The following TPD52L1 variants were observed in gnomAD, a reference collection of about 807,000 sequenced individuals.
TPD52L1 encodes TPD52 like 1.
In TPD52L1, 18 loss-of-function variants were observed where a neutral mutation model predicts 28.7. The observed-to-expected ratio is 0.63, with a 90% confidence interval of 0.43 to 0.93. The LOEUF (loss-of-function observed/expected upper bound fraction) is 0.93. TPD52L1 is among the 40% of genes least tolerant of loss of function. TPD52L1 has a pLI of 0.00. For synonymous variants in TPD52L1, 75 were observed against 88.8 expected (o/e 0.84, Z 0.88); for missense variants, 203 against 254.8 (o/e 0.80, Z 1.39).
At chr6:125,221,411 A>G (rs967040581) in intron 2 of TPD52L1, among the ~76,000 whole-genome samples, 10 of 152,172 alleles carry the variant, frequency 6.6e-5, no homozygotes, top group Non-Finnish European at 1.3e-4. Flanking sequence ...GCAGGGTCCA[A>G]ATGTCATGTT....
chr6:125,256,905 TG>T (rs1797639885), intron 5 of TPD52L1, among the ~76,000 whole-genome samples, 192 bp from the exon 6 acceptor site: 1 of 152,270 alleles, frequency 6.6e-6, no homozygotes, highest in South Asian at 2.1e-4. Flanking sequence ...AAAAATTCCA[TG>T]TCAGGTTATG....
intron 1 of TPD52L1, among the ~76,000 whole-genome samples, chr6:125,172,535 T>TATATATATATATA (rs1791515381): frequency 1.0e-4 from 10 of 98,116 alleles, no homozygotes; most frequent in African/African-American, 4.5e-4. Flanking sequence ...TATATATATA[T>TATATATATATATA]ATATATATAT....
At chr6:125,230,856 C>T in intron 3 of TPD52L1, among the ~76,000 whole-genome samples, 1 of 152,196 alleles carries the variant, frequency 6.6e-6, no homozygotes, top group Non-Finnish European at 1.5e-5. Context: ...GTCAGTTTAT[C>T]TCCAGAAGTT....
chr6:125,256,990 A>G, intron 5 of TPD52L1, 108 bp from the exon 6 acceptor site: 4 of 897,734 alleles, frequency 4.5e-6, no homozygotes, highest in Middle Eastern at 2.3e-4. Flanking sequence ...GCTGACAGGT[A>G]GCTCTGTGGC....
At chr6:125,230,491 G>C (rs752987643) in intron 3 of TPD52L1, among the ~76,000 whole-genome samples, 10 of 152,044 alleles carry the variant, frequency 6.6e-5, no homozygotes, top group Non-Finnish European at 1.3e-4. Context: ...TACCTAAGTG[G>C]GAGTCAATTT....
At chr6:125,155,011 G>A (rs376961657) in intron 1 of TPD52L1, among the ~76,000 whole-genome samples, 76 of 152,172 alleles carry the variant, frequency 5.0e-4, no homozygotes, top group Non-Finnish European at 7.1e-4. Context: ...GTGGGTTGGC[G>A]ATTGCGTGGG....
At chr6:125,175,631 G>A (rs1791775613) in intron 1 of TPD52L1, among the ~76,000 whole-genome samples, 4 of 152,158 alleles carry the variant, frequency 2.6e-5, no homozygotes, top group South Asian at 4.1e-4. Flanking sequence ...TAAATAGGGA[G>A]AGAGGACAAT....
intron 1 of TPD52L1, among the ~76,000 whole-genome samples, chr6:125,216,770 A>T (rs531042758): frequency 2.0e-5 from 3 of 151,914 alleles, no homozygotes; most frequent in African/African-American, 7.3e-5. Flanking sequence ...AGAAGGGATG[A>T]GGATCTGATG....
At position 125,153,982 on chromosome 6, in the gene TPD52L1, C is replaced by G; in HGVS notation, c.19+12C>G. Reference sequence around the variant, plus strand: ...GGCGCAGGCACAAGGTGAGTGGTCGCCGATCGCCCCGAGAGTCAGGTCCTG... The same window carrying G: ...GGCGCAGGCACAAGGTGAGTGGTCGGCGATCGCCCCGAGAGTCAGGTCCTG... On this transcript the variant is annotated intron_variant, in intron 1 of 6. Transcript: ENST00000534000. 1 of 1,605,804 alleles carries G rather than the reference C, an allele frequency of 6.2e-7. No individual in the cohort carries two copies. Among genetic ancestry groups the G allele is most frequent in the South Asian group, 1.1e-5 (1 of 89,184 alleles).
At chr6:125,195,795 C>T (rs1468914321) in intron 1 of TPD52L1, among the ~76,000 whole-genome samples, 2 of 152,196 alleles carry the variant, frequency 1.3e-5, no homozygotes, top group African/African-American at 4.8e-5. Context: ...CTTTCTGCAA[C>T]TTCTCAGACC....
At chr6:125,226,878 G>A (rs1373244084) in intron 2 of TPD52L1, among the ~76,000 whole-genome samples, 1 of 152,048 alleles carries the variant, frequency 6.6e-6, no homozygotes, top group Non-Finnish European at 1.5e-5. Context: ...AGAGAAATAT[G>A]ACATGATAAC....
intron 1 of TPD52L1, among the ~76,000 whole-genome samples, chr6:125,212,854 G>A (rs1462206316): frequency 6.6e-6 from 1 of 152,194 alleles, no homozygotes; most frequent in Non-Finnish European, 1.5e-5. Context: ...CTGGCTAACT[G>A]TAGGTATAGT....
At chr6:125,172,651 T>C (rs1338610973) in intron 1 of TPD52L1, among the ~76,000 whole-genome samples, 1 of 127,578 alleles carries the variant, frequency 7.8e-6, no homozygotes, top group Non-Finnish European at 1.6e-5. Context: ...AACTATATAA[T>C]AAATTAGGTA....
At chr6:125,177,899 G>A (rs1791920898) in intron 1 of TPD52L1, among the ~76,000 whole-genome samples, 1 of 151,960 alleles carries the variant, frequency 6.6e-6, no homozygotes, top group Non-Finnish European at 1.5e-5. Flanking sequence ...TTTTCTATTT[G>A]ACTAGCCTTC....
intron 1 of TPD52L1, among the ~76,000 whole-genome samples, chr6:125,216,529 G>A (rs494265): frequency 0.053 from 3,579 of 67,766 alleles, 118 homozygotes; most frequent in African/African-American, 0.17. Context: ...GTATGTGTGT[G>A]TATATATATA....
intron 1 of TPD52L1, chr6:125,203,559 CTTCTCA>C: frequency 3.4e-6 from 3 of 871,186 alleles, no homozygotes; most frequent in Non-Finnish European, 4.1e-6. Context: ...TATTTTACAT[CTTCTCA>C]TTGAAAGTAG....
At chr6:125,208,794 C>A in intron 1 of TPD52L1, 1 of 396,772 alleles carries the variant, frequency 2.5e-6, no homozygotes, top group Non-Finnish European at 3.4e-6. Flanking sequence ...GTAGCAAATG[C>A]CTGAGAGTGG....
At chr6:125,172,164 T>G (rs199670496) in intron 1 of TPD52L1, among the ~76,000 whole-genome samples, 4 of 80,952 alleles carry the variant, frequency 4.9e-5, no homozygotes, top group African/African-American at 1.7e-4. Context: ...TTCTTTTCTT[T>G]CTTTCTTTCT....
At chr6:125,232,014 A>G (rs188553423) in intron 3 of TPD52L1, among the ~76,000 whole-genome samples, 79 of 152,308 alleles carry the variant, frequency 5.2e-4, no homozygotes, top group Non-Finnish European at 4.9e-4. Flanking sequence ...GAGGCACAAT[A>G]ATTCGTTTTG....
Sources: gnomAD v4.1 joint callset for allele counts (sites outside exome capture counted in the v4.1 genomes callset) on GRCh38, gnomAD v4.1.1 for gene constraint, MANE v1.5 for transcripts, NCBI Gene and HGNC (gene_info 2026-07-23, HGNC 2026-07-21) for gene names.